The following ZFHX3 variants were observed in gnomAD, a reference collection of about 807,000 sequenced individuals.
ZFHX3 encodes zinc finger homeobox protein 3.
A neutral mutation model predicts 279.1 loss-of-function variants in ZFHX3; 42 were observed. The ratio of observed to expected loss-of-function variants is 0.15; its 90% confidence interval spans 0.12 to 0.19. ZFHX3 has a LOEUF of 0.19. ZFHX3 is among the 10% of genes least tolerant of loss of function. The pLI is 1.00. For synonymous variants in ZFHX3, 2,293 were observed against 1,957.8 expected, an observed-to-expected ratio of 1.17 and a Z score of -4.52; for missense variants, 4,981 against 4,754.0, an observed-to-expected ratio of 1.05 and a Z score of -1.40.
intron 2 of ZFHX3, among the ~76,000 whole-genome samples, chr16:73,595,278 C>G: frequency 6.6e-6 from 1 of 152,164 alleles, no homozygotes; most frequent in Non-Finnish European, 1.5e-5. Context: ...TCCGGGTCAG[C>G]ACATCCCATG....
intron 3 of ZFHX3, among the ~76,000 whole-genome samples, chr16:72,929,346 T>C: frequency 6.6e-6 from 1 of 152,090 alleles, no homozygotes. Context: ...AACTGACCCT[T>C]GCTTGGGGAG....
At chr16:73,012,820 GATGT>G (rs1387216923) in intron 1 of ZFHX3, among the ~76,000 whole-genome samples, 1 of 152,142 alleles carries the variant, frequency 6.6e-6, no homozygotes, top group Non-Finnish European at 1.5e-5. Context: ...GTTCTTCCAT[GATGT>G]TATTAACAAC....
chr16:73,468,101 T>C (rs2018603360), intron 2 of ZFHX3, among the ~76,000 whole-genome samples: 4 of 152,228 alleles, frequency 2.6e-5, no homozygotes, highest in Admixed American at 2.6e-4. Flanking sequence ...CCCAAACAAC[T>C]GACTTAAACA....
intron 5 of ZFHX3, among the ~76,000 whole-genome samples, chr16:73,237,932 C>T (rs77022916): frequency 6.6e-6 from 1 of 152,244 alleles, no homozygotes; most frequent in East Asian, 1.9e-4. Flanking sequence ...ATTTTTACTT[C>T]TTCACTCCGC....
At chr16:73,204,839 A>G (rs1466072155) in intron 5 of ZFHX3, among the ~76,000 whole-genome samples, 1 of 152,192 alleles carries the variant, frequency 6.6e-6, no homozygotes, top group Non-Finnish European at 1.5e-5. Context: ...TCCTCATTTT[A>G]AAGAGGTTGA....
At chr16:73,750,757 T>C (rs149462836) in intron 1 of ZFHX3, among the ~76,000 whole-genome samples, 1 of 152,278 alleles carries the variant, frequency 6.6e-6, no homozygotes, top group East Asian at 1.9e-4. Flanking sequence ...AGTCTGTCTC[T>C]GTGTCAGCAA....
intron 1 of ZFHX3, among the ~76,000 whole-genome samples, chr16:73,791,518 A>T (rs563710243): frequency 6.6e-6 from 1 of 152,040 alleles, no homozygotes; most frequent in Non-Finnish European, 1.5e-5. Context: ...TCCGTCTCCC[A>T]GGTTCAAGTG....
chr16:73,094,944 A>G (rs185224643), intron 7 of ZFHX3, among the ~76,000 whole-genome samples: 23 of 152,280 alleles, frequency 1.5e-4, no homozygotes, highest in Admixed American at 6.5e-4. Context: ...TCCTGACCTC[A>G]GGTGATCTGC....
chr16:73,557,555 C>T (rs1262455063), intron 2 of ZFHX3, among the ~76,000 whole-genome samples: 1 of 152,120 alleles, frequency 6.6e-6, no homozygotes, highest in Non-Finnish European at 1.5e-5. Context: ...TCATGCCTCC[C>T]CTTTTTAGAC....
At position 72,794,924 on chromosome 16, in the gene ZFHX3, G is replaced by T; in HGVS notation, c.7758C>A (p.Ser2586Arg). The change falls in exon 9 of 10, where the codon AGC becomes AGA. Residue 2586 changes from serine (S) to arginine (R), a missense_variant. Ser to Arg is a moderately radical substitution (Grantham distance 110). Transcript: ENST00000268489. This position sits in a 1 kb window ranked among gnomAD's most constrained non-coding sequence, Gnocchi z 4.2. ...GAGGTATGGCCCCAGAGAGCAGCTG[G>T]CTGGCCAGGAGTGGGTTACTGGGAT... ...LFDPSNPLLASQLLSGAIPQI... is the reference protein window; with the variant it reads ...LFDPSNPLLARQLLSGAIPQI... 6.2e-7 allele frequency: 1 copy of T among 1,614,140 alleles called. No individual in the cohort carries two copies. The highest frequency in any genetic ancestry group is 8.5e-7 in the Non-Finnish European group (1 of 1,180,024).
intron 2 of ZFHX3, among the ~76,000 whole-genome samples, chr16:73,523,029 C>T (rs745875732): frequency 9.2e-5 from 14 of 152,110 alleles, no homozygotes; most frequent in African/African-American, 7.2e-5. Context: ...TCCCACAACA[C>T]GGTGGCAATT....
At chr16:73,806,270 C>T (rs531108513) in intron 1 of ZFHX3, among the ~76,000 whole-genome samples, 1 of 152,158 alleles carries the variant, frequency 6.6e-6, no homozygotes, top group Non-Finnish European at 1.5e-5. Context: ...TACCAGAGCA[C>T]ATCTGGAGTA....
intron 3 of ZFHX3, among the ~76,000 whole-genome samples, chr16:73,363,745 T>G (rs2016475614): frequency 6.6e-6 from 1 of 152,126 alleles, no homozygotes; most frequent in African/African-American, 2.4e-5. Flanking sequence ...ACTACAGAAT[T>G]TGCATTTCGC....
intron 2 of ZFHX3, among the ~76,000 whole-genome samples, chr16:73,660,465 T>A (rs2052769737): frequency 6.6e-6 from 1 of 152,228 alleles, no homozygotes; most frequent in Non-Finnish European, 1.5e-5. Flanking sequence ...TTATTTCTAA[T>A]AAATATCAAT....
intron 4 of ZFHX3, among the ~76,000 whole-genome samples, chr16:72,855,034 A>T (rs1031711485): frequency 2.0e-5 from 3 of 152,102 alleles, no homozygotes; most frequent in Non-Finnish European, 4.4e-5. Context: ...AAAATACTCT[A>T]CTGTACGCAG....
At chr16:73,279,167 A>G (rs1272151133) in intron 4 of ZFHX3, among the ~76,000 whole-genome samples, 1 of 152,132 alleles carries the variant, frequency 6.6e-6, no homozygotes, top group Admixed American at 6.5e-5. Context: ...ACAAATTTTA[A>G]GCTAGGACAG....
At chr16:73,108,776 T>C (rs996507813) in intron 7 of ZFHX3, among the ~76,000 whole-genome samples, 21 of 152,334 alleles carry the variant, frequency 1.4e-4, no homozygotes, top group Admixed American at 1.4e-3. Context: ...TCTTATTACC[T>C]GTTGATTAGG....
At chr16:73,743,689 A>C (rs777619835) in intron 1 of ZFHX3, among the ~76,000 whole-genome samples, 15 of 152,194 alleles carry the variant, frequency 9.9e-5, no homozygotes, top group African/African-American at 1.4e-4. Flanking sequence ...GAGGTACCGT[A>C]TTTGTTATCA....
intron 3 of ZFHX3, among the ~76,000 whole-genome samples, chr16:73,358,137 C>T (rs1006299309): frequency 2.6e-5 from 4 of 152,216 alleles, no homozygotes; most frequent in African/African-American, 7.2e-5. Context: ...TTCTTTGAGA[C>T]GCCTTGCTTT....
Sources: gnomAD v4.1 joint callset for allele counts (sites outside exome capture counted in the v4.1 genomes callset) on GRCh38, gnomAD v4.1.1 for gene constraint, Gnocchi (gnomAD v3.1) non-coding constraint, MANE v1.5 for transcripts, NCBI Gene and HGNC (gene_info 2026-07-23, HGNC 2026-07-21) for gene names.